CRELD2: variants seen among roughly 807,000 people sequenced by gnomAD.
CRELD2 encodes the protein protein disulfide isomerase CRELD2.
A neutral mutation model predicts 48.1 loss-of-function variants in CRELD2; 33 were observed. The ratio of observed to expected loss-of-function variants is 0.69; its 90% CI spans 0.52 to 0.92. CRELD2 has a LOEUF of 0.92. CRELD2 is among the 40% of genes least tolerant of loss of function. The pLI is 0.00. For synonymous variants in CRELD2, 220 were observed against 203.9 expected (o/e 1.08, Z -0.67); for missense variants, 477 against 482.4 (o/e 0.99, Z 0.10).
intron 7 of CRELD2, 41 bp from the exon 8 acceptor site, chr22:49,924,319 C>A: frequency 6.8e-7 from 1 of 1,476,554 alleles, no homozygotes; most frequent in Non-Finnish European, 9.4e-7. Flanking sequence ...GGCACTGGTG[C>A]CTTGTGCATG....
intron 8 of CRELD2, 143 bp downstream of exon 8, chr22:49,924,598 C>T (rs1054035841): frequency 1.1e-5 from 6 of 568,172 alleles, no homozygotes; most frequent in South Asian, 2.2e-5. Context: ...ACTGTGCACT[C>T]GCCCTGAGGT....
chr22:49,919,881 C>G, intron 3 of CRELD2, 41 bp downstream of exon 3: 1 of 1,410,872 alleles, frequency 7.1e-7, no homozygotes, highest in Non-Finnish European at 9.8e-7. Flanking sequence ...TTTTTATTTT[C>G]CAACTTAGAA....
intron 6 of CRELD2, among the ~76,000 whole-genome samples, chr22:49,922,914 T>TG (rs1354851669): frequency 2.4e-5 from 1 of 41,254 alleles, no homozygotes; most frequent in Non-Finnish European, 5.0e-5. Context: ...GCGTGAGGTG[T>TG]GGGGGCGTGA....
At position 49,921,333 on chromosome 22, in the gene CRELD2, G is replaced by C. The variant is rs116400080; in HGVS notation, c.416-252G>C. 899 of 523,112 alleles carry C rather than the reference G, an allele frequency of 1.7e-3. 12 individuals carry two copies. Among genetic ancestry groups the C allele is most frequent in the African/African-American group, 0.014 (753 of 52,442 alleles). The allele number at this position is 523,112 out of a possible 1,614,324, so 32.4% of individuals were successfully genotyped here. A position where few individuals can be genotyped will look rare whatever the true frequency, so the allele number is the denominator to read the frequency against. On this transcript the variant is annotated intron_variant, in intron 4 of 9. Coordinates refer to ENST00000328268, the MANE Select transcript of CRELD2 (RefSeq NM_024324.5). ...GCTGTGCTATGCAGGGTCCCTTGTT[G>C]ACCTAAACGTCATCATGCAGCACGT...
chr22:49,924,341 C>T lies in CRELD2; in HGVS notation c.773-19C>T, dbSNP rs9627799. On this transcript the variant is annotated intron_variant, in intron 7 of 9. Transcript: ENST00000328268. ...GTGCCTTGTGCATGTCGGGGTCTGA[C>T]GCTGGCTCCCTGTTGCAGAGTGTGA... The T allele has an allele frequency of 0.09, 143,049 of 1,590,802 alleles. 9,425 individuals are homozygous for T. Among genetic ancestry groups the T allele is most frequent in the African/African-American group, 0.31 (22,868 of 74,544 alleles).
intron 8 of CRELD2, chr22:49,924,664 T>C (rs7290751): frequency 0.23 from 98,465 of 421,770 alleles, 13,803 homozygotes; most frequent in African/African-American, 0.48. Context: ...TGGCCGACCC[T>C]GGTGTGGATG....
chr22:49,924,147 T>G, intron 7 of CRELD2: 1 of 482,768 alleles, frequency 2.1e-6, no homozygotes, highest in Non-Finnish European at 3.8e-6. Flanking sequence ...AGCCAGGTGG[T>G]CTGCACCATG....
chr22:49,922,387 A>G, intron 5 of CRELD2: 1 of 1,610,762 alleles, frequency 6.2e-7, no homozygotes, highest in South Asian at 1.1e-5. Context: ...CGTGGCCGGA[A>G]CACGCACACC....
intron 8 of CRELD2, chr22:49,925,113 A>C (rs1046661823): frequency 4.8e-6 from 1 of 207,072 alleles, no homozygotes; most frequent in South Asian, 7.4e-5. Flanking sequence ...CCTGGGCGAC[A>C]GAGCGAGACT....
At position 49,927,284 on chromosome 22, in the gene CRELD2, C is replaced by T; in HGVS notation, c.1039C>T (p.Leu347=). 1 of 1,612,410 alleles carries T rather than the reference C, an allele frequency of 6.2e-7. No individual in the cohort carries two copies. The highest frequency in any genetic ancestry group is 8.5e-7 in the Non-Finnish European group (1 of 1,179,758). The change falls in exon 10 of 10, where the codon CTG becomes TTG. Residue 347 remains leucine, a synonymous_variant. Transcript: ENST00000328268. ...CACAGAAGGAGAAAGCCCGACACAG[C>T]TGCCCTCCCGCGAAGACCTGTAATG... ...EATEGESPTQ[L]PSREDL is the part of the protein sequence containing the mutation.
In CRELD2 at chr22:49,918,873, G is replaced by C; in HGVS notation, c.104G>C (p.Arg35Pro). ...AAGCCGACGCCCTGCCACCGGTGCC[G>C]GGGGCTGGTGGACAAGTTTAACCAG... ...AKKPTPCHRC[R>P]GLVDKFNQGM... The change falls in exon 1 of 10, where the codon CGG (arginine) becomes CCG (proline). Residue 35 changes from arginine (R) to proline (P), a missense_variant. Physicochemically the swap from Arg to Pro is moderately radical, Grantham distance 103 (BLOSUM62 -2). Transcript: ENST00000328268. 1 of 1,297,790 alleles carries C rather than the reference G, an allele frequency of 7.7e-7. No homozygotes were observed. The allele number at this position is 1,297,790 out of a possible 1,614,324, so 80.4% of individuals were successfully genotyped here.
Position 49,927,455 on chromosome 22 carries a change from T to G in CRELD2, c.*148T>G. 1.5e-6 allele frequency: 1 copy of G among 672,032 alleles called. No individual in the cohort carries two copies. The highest frequency in any genetic ancestry group is 2.6e-5 in the East Asian group (1 of 38,216). The allele number at this position is 672,032 out of a possible 1,614,324, so 41.6% of individuals were successfully genotyped here. On this transcript the variant is annotated 3_prime_UTR_variant, in exon 10 of 10. Coordinates refer to ENST00000328268, the MANE Select transcript of CRELD2 (RefSeq NM_024324.5). ...CTCATTTGTCCCTTAAACAGCTGCA[T>G]TTCTTGGTTGTTCTTAAACAGACTT... is the stretch of plus-strand genomic sequence containing the variant.
In CRELD2 at chr22:49,920,211, T is replaced by C. The variant is rs1211565847; in HGVS notation, c.379T>C (p.Cys127Arg). The change falls in exon 4 of 10, where the codon TGC becomes CGC. Residue 127 changes from cysteine (C) to arginine (R), a missense_variant. Transcript: ENST00000328268. ...EWFCVKTLKV[C>R]CSPGTYGPDC... ...GTTTTGTGTGAAGACACTGAAAGTGTGCTGCTCTCCAGGAACCTACGGTCC... is the reference window on the plus strand; with the variant it reads ...GTTTTGTGTGAAGACACTGAAAGTGCGCTGCTCTCCAGGAACCTACGGTCC... The C allele has an allele frequency of 6.2e-7, 1 of 1,613,598 alleles. No homozygotes were observed. Among genetic ancestry groups the C allele is most frequent in the South Asian group, 1.1e-5 (1 of 91,060 alleles).
At chr22:49,924,703 G>A in intron 8 of CRELD2, 1 of 316,554 alleles carries the variant, frequency 3.2e-6, no homozygotes, top group East Asian at 6.4e-5. Flanking sequence ...CTCGCCGGTG[G>A]CCTCGTTCCC....
chr22:49,927,396 C>T lies in CRELD2; in HGVS notation c.*89C>T, dbSNP rs183678533. On this transcript the variant is annotated 3_prime_UTR_variant, in exon 10 of 10. Transcript: ENST00000328268. Reference sequence around the variant, plus strand: ...TGCCGTCTCCTGCAGTGGACAGCGGCGGGGAGAGGCTGCCTGCTCTCTAAC... The same window carrying T: ...TGCCGTCTCCTGCAGTGGACAGCGGTGGGGAGAGGCTGCCTGCTCTCTAAC... 1,141 of 1,017,846 alleles carry T rather than the reference C, an allele frequency of 1.1e-3. 3 individuals carry two copies. The highest frequency in any genetic ancestry group is 1.7e-3 in the Admixed American group (99 of 57,770). 63.1% of individuals were successfully genotyped at this position (1,017,846 alleles called of 1,614,324 possible).
At position 49,918,742 on chromosome 22, in the gene CRELD2, G is replaced by C. The variant is rs1018441016; in HGVS notation, c.-28G>C. On this transcript the variant is annotated 5_prime_UTR_variant, in exon 1 of 10. Coordinates refer to ENST00000328268, the MANE Select transcript of CRELD2 (RefSeq NM_024324.5). ...CACGGCCGCAGGACCTGGAGCTCCG[G>C]CTGCGTCTTCCCGCAGCGCTACCCG... is the stretch of plus-strand genomic sequence containing the variant. 12 of 942,384 alleles carry C rather than the reference G, an allele frequency of 1.3e-5. No homozygotes were observed. The African/African-American group carries it at 1.9e-4, about 15-fold the overall frequency. The allele number at this position is 942,384 out of a possible 1,614,324, so 58.4% of individuals were successfully genotyped here.
rs763742780 is a variant in CRELD2, at chr22:49,927,271, A to C, written c.1026A>C (p.Glu342Asp). 13 of 1,612,292 alleles carry C rather than the reference A, an allele frequency of 8.1e-6. No individual in the cohort carries two copies. The East Asian group carries it at 2.2e-4, about 28-fold the overall frequency. Residue 342 changes from glutamate (E) to aspartate (D), a missense_variant, in exon 10 of 10, where the codon GAA (glutamate) becomes GAC (aspartate). Glu to Asp is a conservative substitution (Grantham distance 45). Coordinates refer to ENST00000328268, the MANE Select transcript of CRELD2 (RefSeq NM_024324.5). ...PPAEAEATEG[E>D]SPTQLPSRED... ...TTCTGACAGAAGCCACAGAAGGAGA[A>C]AGCCCGACACAGCTGCCCTCCCGCG...
chr22:49,925,780 T>C (rs1029939175), intron 9 of CRELD2: 14 of 1,379,646 alleles, frequency 1.0e-5, no homozygotes, highest in Non-Finnish European at 1.3e-5. Context: ...CAAACGGAAG[T>C]TCAGGCGATG....
At chr22:49,922,514 T>A in intron 5 of CRELD2, 98 bp from the exon 6 acceptor site, 1 of 1,489,400 alleles carries the variant, frequency 6.7e-7, no homozygotes. Flanking sequence ...AATCCCGTGT[T>A]GCTTTTCCCT....
Sources: allele counts gnomAD v4.1 joint callset (sites outside exome capture counted in the v4.1 genomes callset), GRCh38; gene constraint gnomAD v4.1.1; transcripts MANE v1.5; gene names NCBI Gene and HGNC (gene_info 2026-07-23, HGNC 2026-07-21).